SLMAP: variants seen among roughly 807,000 people sequenced by gnomAD.
SLMAP encodes the protein sarcolemmal membrane-associated protein.
SLMAP carries 44 observed loss-of-function variants against 128.8 expected under a neutral mutation model. The ratio of observed to expected loss-of-function variants is 0.34; its 90% CI spans 0.27 to 0.44. The LOEUF is 0.44. Ranked by LOEUF, SLMAP falls within the 20% of genes least tolerant of loss-of-function variation. The pLI is 1.00. For missense variants in SLMAP, 787 were observed against 985.3 expected (o/e 0.80, Z 2.69); for synonymous variants, 327 against 348.8 (o/e 0.94, Z 0.70).
In SLMAP at chr3:57,917,002, G is replaced by A. The variant is rs758343458; in HGVS notation, c.2235G>A (p.Gln745=). The part of the protein sequence containing the change: ...LENQVGSLKE[Q]HLRDSADLKT... ...ATCAAGTGGGATCCTTGAAAGAACAGCATCTTCGGGATTCAGCTGATTTAA... is the reference window on the plus strand; with the variant it reads ...ATCAAGTGGGATCCTTGAAAGAACAACATCTTCGGGATTCAGCTGATTTAA... Residue 745 remains glutamine, a synonymous_variant, in exon 22 of 25, where the codon CAG becomes CAA. Coordinates refer to ENST00000671191, the MANE Select transcript of SLMAP (RefSeq NM_001377540.1). 1.2e-6 allele frequency: 2 copies of A among 1,613,932 alleles called. No individual in the cohort carries two copies. Among genetic ancestry groups the A allele is most frequent in the African/African-American group, 1.3e-5 (1 of 75,022 alleles).
chr3:57,890,440 A>G lies in SLMAP; in HGVS notation c.1360+340A>G, dbSNP rs554014865. On this transcript the variant is annotated intron_variant, in intron 15 of 24. Coordinates refer to ENST00000671191, the MANE Select transcript of SLMAP (RefSeq NM_001377540.1). ...CTCAAATTTTAATCAAACACAATGT[A>G]AGTCGTTTGTGATACAACTTAAGTG... is the stretch of plus-strand genomic sequence containing the variant. 3 of 196,790 alleles carry G rather than the reference A, an allele frequency of 1.5e-5. 1 individual carries two copies. The highest frequency in any genetic ancestry group is 1.2e-4 in the Admixed American group (2 of 17,280). The allele number at this position is 196,790 out of a possible 1,614,324, so 12.2% of individuals were successfully genotyped here. A position where few individuals can be genotyped will look rare whatever the true frequency, so the allele number is the denominator to read the frequency against.
At chr3:57,759,740 C>T (rs896809740) in intron 2 of SLMAP, among the ~76,000 whole-genome samples, 1 of 152,218 alleles carries the variant, frequency 6.6e-6, no homozygotes, top group African/African-American at 2.4e-5. Context: ...CAGGTTGGCT[C>T]ACAGTACATA....
At chr3:57,775,018 G>A (rs1194122153) in intron 2 of SLMAP, among the ~76,000 whole-genome samples, 1 of 151,698 alleles carries the variant, frequency 6.6e-6, no homozygotes, top group Non-Finnish European at 1.5e-5. Flanking sequence ...TGGAGTTTTG[G>A]TATCTGAATG....
chr3:57,879,181 ATTG>A (rs2095669239), intron 14 of SLMAP, among the ~76,000 whole-genome samples: 2 of 152,130 alleles, frequency 1.3e-5, no homozygotes, highest in Admixed American at 1.3e-4. Flanking sequence ...TTTTGAGTGT[ATTG>A]TTTGTATTGT....
chr3:57,792,016 T>C (rs928155096), intron 2 of SLMAP, among the ~76,000 whole-genome samples: 6 of 152,152 alleles, frequency 3.9e-5, no homozygotes, highest in Non-Finnish European at 7.4e-5. Flanking sequence ...TTTAATTGCA[T>C]GTCAATTATC....
chr3:57,819,621 C>G (rs2092314755), intron 2 of SLMAP, among the ~76,000 whole-genome samples: 1 of 152,170 alleles, frequency 6.6e-6, no homozygotes, highest in Admixed American at 6.5e-5. Context: ...TTAGATGGAG[C>G]CCATTGTATG....
At chr3:57,831,339 A>C in intron 2 of SLMAP, 44 bp from the exon 3 acceptor site, 4 of 1,263,874 alleles carry the variant, frequency 3.2e-6, no homozygotes, top group South Asian at 2.0e-5. Context: ...TGGAATTATT[A>C]CTATTAATAT....
chr3:57,909,875 G>C (rs2096653029), intron 19 of SLMAP, among the ~76,000 whole-genome samples: 1 of 150,602 alleles, frequency 6.6e-6, no homozygotes, highest in Non-Finnish European at 1.5e-5. Context: ...GCCTCCCAAA[G>C]TGCTGGGATT....
intron 2 of SLMAP, among the ~76,000 whole-genome samples, chr3:57,775,213 C>T (rs2081598811): frequency 6.6e-6 from 1 of 151,992 alleles, no homozygotes; most frequent in Admixed American, 6.6e-5. Context: ...ACCACTGCCC[C>T]CGGCTAATTT....
intron 2 of SLMAP, among the ~76,000 whole-genome samples, chr3:57,795,400 A>G (rs896988142): frequency 2.6e-5 from 4 of 152,236 alleles, no homozygotes; most frequent in African/African-American, 9.6e-5. Context: ...TTAACTGGGC[A>G]TGGTGGCGCA....
chr3:57,762,195 T>A (rs1444786095), intron 2 of SLMAP, among the ~76,000 whole-genome samples: 1 of 151,206 alleles, frequency 6.6e-6, no homozygotes, highest in Non-Finnish European at 1.5e-5. Flanking sequence ...GGTGAAACCC[T>A]GTCTCTACGA....
intron 2 of SLMAP, among the ~76,000 whole-genome samples, chr3:57,808,942 T>C (rs936624272): frequency 2.0e-5 from 3 of 152,242 alleles, no homozygotes; most frequent in African/African-American, 7.2e-5. Context: ...TGCTCCTGTA[T>C]TGGGTGCATA....
intron 8 of SLMAP, among the ~76,000 whole-genome samples, chr3:57,859,856 T>C (rs117598779): frequency 2.0e-5 from 3 of 152,102 alleles, no homozygotes; most frequent in Non-Finnish European, 4.4e-5. Flanking sequence ...TCTAAAGGTA[T>C]TGGAATAAAA....
chr3:57,776,115 T>C (rs982668570), intron 2 of SLMAP, among the ~76,000 whole-genome samples: 1 of 152,250 alleles, frequency 6.6e-6, no homozygotes. Context: ...TTGATAATAG[T>C]AGCAGTTAGT....
chr3:57,786,827 A>G (rs1051912960), intron 2 of SLMAP, among the ~76,000 whole-genome samples: 1 of 144,912 alleles, frequency 6.9e-6, no homozygotes, highest in Non-Finnish European at 1.5e-5. Context: ...TCCGCCTCCC[A>G]GGTTCACGCC....
intron 14 of SLMAP, among the ~76,000 whole-genome samples, chr3:57,874,310 A>G (rs1297134850): frequency 6.6e-6 from 1 of 152,196 alleles, no homozygotes; most frequent in Non-Finnish European, 1.5e-5. Flanking sequence ...AAAATAAAAT[A>G]CAAATCTTTA....
intron 14 of SLMAP, among the ~76,000 whole-genome samples, chr3:57,878,526 C>G (rs1313742574): frequency 4.6e-5 from 7 of 152,180 alleles, no homozygotes; most frequent in African/African-American, 1.7e-4. Context: ...CTGATGCACT[C>G]TCTCACTGGC....
intron 13 of SLMAP, among the ~76,000 whole-genome samples, chr3:57,865,525 T>TGCTA (rs1196347640): frequency 2.6e-5 from 4 of 152,136 alleles, no homozygotes; most frequent in African/African-American, 9.7e-5. Flanking sequence ...ATCAGAAAAT[T>TGCTA]ATTAAGTTCA....
chr3:57,839,929 C>T (rs1271726146), intron 3 of SLMAP, among the ~76,000 whole-genome samples: 1 of 152,038 alleles, frequency 6.6e-6, no homozygotes. Flanking sequence ...CTCAGGTGAT[C>T]TGCCCACCTC....
Sources: allele counts gnomAD v4.1 joint callset (sites outside exome capture counted in the v4.1 genomes callset), GRCh38; gene constraint gnomAD v4.1.1; transcripts MANE v1.5; gene names NCBI Gene and HGNC (gene_info 2026-07-23, HGNC 2026-07-21).